Variants in CLOCK observed in about 807,000 individuals in gnomAD.
CLOCK encodes the protein clock circadian regulator, also known as circadian locomoter output cycles protein kaput.
A neutral mutation model predicts 118.4 loss-of-function variants in CLOCK; 43 were observed. The observed-to-expected ratio is 0.36, with a 90% CI of 0.28 to 0.47. The LOEUF (loss-of-function observed/expected upper bound fraction) is 0.47, where lower values mean the gene tolerates loss of function less well. Among genes scored for constraint, CLOCK ranks in the 20% least tolerant of loss-of-function variants. The pLI is 1.00. For synonymous variants in CLOCK, 326 were observed against 339.2 expected (o/e 0.96, Z 0.43); for missense variants, 846 against 999.9 (o/e 0.85, Z 2.08).
chr4:55,497,112 A>G (rs1353752019), intron 2 of CLOCK, among the ~76,000 whole-genome samples: 1 of 152,188 alleles, frequency 6.6e-6, no homozygotes, highest in East Asian at 1.9e-4. Flanking sequence ...TATAGGTCTC[A>G]CTGGGCTAAA....
chr4:55,506,478 C>T (rs929947055), intron 2 of CLOCK, among the ~76,000 whole-genome samples: 18 of 151,970 alleles, frequency 1.2e-4, no homozygotes, highest in African/African-American at 3.6e-4. Flanking sequence ...GTAAGAGCTG[C>T]GAAAAGTTCA....
intron 6 of CLOCK, among the ~76,000 whole-genome samples, chr4:55,478,251 TTA>T (rs952861875): frequency 2.6e-5 from 4 of 152,134 alleles, no homozygotes; most frequent in African/African-American, 4.8e-5. Context: ...ATACTTTATT[TTA>T]TAGTGTTGAT....
intron 1 of CLOCK, among the ~76,000 whole-genome samples, chr4:55,534,716 T>C (rs767722968): frequency 9.9e-5 from 15 of 152,148 alleles, no homozygotes; most frequent in South Asian, 2.1e-4. Context: ...CAATAAATAC[T>C]TGCTGAATGA....
Position 55,429,073 on chromosome 4 carries a change from C to T in CLOCK, c.*6342G>A, listed in dbSNP as rs1170612561. Reference sequence around the variant, plus strand: ...CAAGACATCAATCTGAAGGTAACAACTTATTTTAACTTAACTACTGGCATA... The same window carrying T: ...CAAGACATCAATCTGAAGGTAACAATTTATTTTAACTTAACTACTGGCATA... On this transcript the variant is annotated 3_prime_UTR_variant, in exon 23 of 23. Transcript: ENST00000513440. 1 of 148,344 alleles carries T rather than the reference C, an allele frequency of 6.7e-6. No homozygotes were observed. The highest frequency in any genetic ancestry group is 2.5e-5 in the African/African-American group (1 of 40,212). The allele number at this position is 148,344 out of a possible 1,614,324, so 9.2% of individuals were successfully genotyped here.
At chr4:55,490,134 G>A (rs1323761875) in intron 2 of CLOCK, among the ~76,000 whole-genome samples, 2 of 151,402 alleles carry the variant, frequency 1.3e-5, no homozygotes, top group African/African-American at 4.8e-5. Context: ...TTGTCTCCAA[G>A]ATTCACCTCA....
Position 55,428,718 on chromosome 4 carries a change from T to TA in CLOCK, c.*6696dup, listed in dbSNP as rs1194370428. 6 of 151,442 alleles carry TA rather than the reference T, an allele frequency of 4.0e-5. No individual in the cohort carries two copies. Among genetic ancestry groups the TA allele is most frequent in the Admixed American group, 2.6e-4 (4 of 15,224 alleles). 9.4% of individuals were successfully genotyped at this position (151,442 alleles called of 1,614,324 possible). Reference sequence around the variant, plus strand: ...ACATTGAGAACCACACAGAACATTATAAAGAATTTGGTGCATGTTTTAACA... The same window carrying TA: ...ACATTGAGAACCACACAGAACATTATAAAAGAATTTGGTGCATGTTTTAACA... On this transcript the variant is annotated 3_prime_UTR_variant, in exon 23 of 23. Coordinates refer to ENST00000513440, the MANE Select transcript of CLOCK (RefSeq NM_004898.4).
intron 1 of CLOCK, among the ~76,000 whole-genome samples, chr4:55,528,914 C>T (rs578108425): frequency 4.7e-4 from 71 of 152,356 alleles, no homozygotes; most frequent in African/African-American, 1.6e-3. Context: ...GTTCCCTGAT[C>T]TTTTGCCCTA....
rs752522729 is a variant in CLOCK at position 55,444,634 on chromosome 4, T to C, written c.1691A>G (p.Gln564Arg). 3.1e-6 allele frequency: 5 copies of C among 1,614,056 alleles called. No homozygotes were observed. Among genetic ancestry groups the C allele is most frequent in the East Asian group, 4.5e-5 (2 of 44,868 alleles). ...QLQMVHGQGL[Q>R]MFLQQSNPGL... is the part of the protein sequence containing the mutation. ...TTTGTATTCAAATATAACAATTACC[T>C]GCAGCCCCTGACCATGGACCATCTG... The change falls in exon 19 of 23, where the codon CAG becomes CGG. Residue 564 changes from glutamine (Q) to arginine (R), a missense_variant and splice_region_variant. Around this residue, in one of 4 missense-constraint regions of CLOCK, gnomAD observed 520 missense variants for 558.0 expected, o/e 0.93. Transcript: ENST00000513440.
At position 55,428,045 on chromosome 4, in the gene CLOCK, A is replaced by G. The variant is rs1722309894; in HGVS notation, c.*7370T>C. The G allele has an allele frequency of 6.6e-6, 1 of 152,204 alleles. No homozygotes were observed. Among genetic ancestry groups the G allele is most frequent in the South Asian group, 2.1e-4 (1 of 4,832 alleles). 9.4% of individuals were successfully genotyped at this position (152,204 alleles called of 1,614,324 possible). ...AAAACATAGCACTGAGGTATTTTTT[A>G]TTTTTAAAATTGAAGGAAACAAAGT... On this transcript the variant is annotated 3_prime_UTR_variant, in exon 23 of 23. Coordinates refer to ENST00000513440, the MANE Select transcript of CLOCK (RefSeq NM_004898.4).
chr4:55,520,485 TGA>T (rs1294441341), intron 1 of CLOCK, among the ~76,000 whole-genome samples: 2 of 152,206 alleles, frequency 1.3e-5, no homozygotes, highest in African/African-American at 4.8e-5. Context: ...TTTTGTAGTA[TGA>T]ACTACTCCTA....
intron 1 of CLOCK, among the ~76,000 whole-genome samples, chr4:55,524,787 T>C (rs1730064481): frequency 6.6e-6 from 1 of 152,208 alleles, no homozygotes; most frequent in Non-Finnish European, 1.5e-5. Context: ...TTCTGTAATT[T>C]TTCCTCTTTG....
chr4:55,466,723 T>C (rs1329950019), intron 8 of CLOCK, among the ~76,000 whole-genome samples: 1 of 152,160 alleles, frequency 6.6e-6, no homozygotes, highest in Non-Finnish European at 1.5e-5. Context: ...CTTTAATAGG[T>C]GTCAAACTTT....
chr4:55,449,354 TAATA>T (rs761075042), intron 17 of CLOCK, 38 bp downstream of exon 17: 1 of 1,507,350 alleles, frequency 6.6e-7, no homozygotes, highest in Admixed American at 1.7e-5. Flanking sequence ...TTTCCCCTCT[TAATA>T]AATCTTTATT....
At chr4:55,494,592 G>A (rs967815754) in intron 2 of CLOCK, among the ~76,000 whole-genome samples, 1 of 152,020 alleles carries the variant, frequency 6.6e-6, no homozygotes, top group Non-Finnish European at 1.5e-5. Flanking sequence ...GGGGGGATGA[G>A]GGATAAAAGA....
In CLOCK at chr4:55,528,478, A is replaced by T. The variant is rs576016702; in HGVS notation, c.-290+18304T>A. ...GAATGAGATGATGATGGTGATAAAC[A>T]CTCATGTTTGCCGCCCCTCCATGCA... On this transcript the variant is annotated intron_variant, in intron 1 of 22. Coordinates refer to ENST00000513440, the MANE Select transcript of CLOCK (RefSeq NM_004898.4). Among the ~76,000 whole-genome samples the T allele has an allele frequency of 8.5e-5, 13 of 152,234 alleles. No individual in the cohort carries two copies. The East Asian group carries it at 1.7e-3, about 20-fold the overall frequency.
intron 2 of CLOCK, among the ~76,000 whole-genome samples, chr4:55,498,616 T>TTATTAC (rs1445019764): frequency 6.6e-6 from 1 of 151,438 alleles, no homozygotes; most frequent in African/African-American, 2.4e-5. Flanking sequence ...ATTATTATTA[T>TTATTAC]TATTATTATT....
chr4:55,451,561 G>A (rs368730544), intron 15 of CLOCK, among the ~76,000 whole-genome samples: 1 of 152,158 alleles, frequency 6.6e-6, no homozygotes, highest in African/African-American at 2.4e-5. Flanking sequence ...AAACCCCAGG[G>A]GGATCATGAT....
rs1048229905 is a variant in CLOCK, at chr4:55,450,311, C to T, written c.1207-79G>A. On this transcript the variant is annotated intron_variant, in intron 15 of 22. Transcript: ENST00000513440. Reference sequence around the variant, plus strand: ...AAATTCACAATACTGTTAACAACAACAAAAAAATCAGTTTTTGTCTATAAC... The same window carrying T: ...AAATTCACAATACTGTTAACAACAATAAAAAAATCAGTTTTTGTCTATAAC... The T allele has an allele frequency of 1.9e-6, 3 of 1,563,048 alleles. No individual in the cohort carries two copies. The African/African-American group carries it at 4.1e-5, about 21-fold the overall frequency.
chr4:55,491,936 G>A (rs1007234620), intron 2 of CLOCK, among the ~76,000 whole-genome samples: 12 of 152,044 alleles, frequency 7.9e-5, no homozygotes, highest in African/African-American at 2.9e-4. Flanking sequence ...GAAAAGCCAG[G>A]ACCATATACA....
Sources: gnomAD v4.1 joint callset for allele counts (sites outside exome capture counted in the v4.1 genomes callset) on GRCh38, gnomAD v4.1.1 for gene constraint, gnomAD v4.1.1 regional missense constraint, MANE v1.5 for transcripts, NCBI Gene and HGNC (gene_info 2026-07-23, HGNC 2026-07-21) for gene names.